Variants in FHIT observed in about 807,000 individuals in gnomAD.
FHIT encodes the protein bis(5'-adenosyl)-triphosphatase.
FHIT carries 19 observed loss-of-function variants against 17.9 expected under a neutral mutation model. The ratio of observed to expected loss-of-function variants is 1.06; its 90% confidence interval spans 0.74 to 1.56. The LOEUF (loss-of-function observed/expected upper bound fraction) is 1.56, where lower values mean the gene tolerates loss of function less well. Ranked by LOEUF, FHIT falls within the 40% of genes most tolerant of loss-of-function variation. The probability of loss-of-function intolerance (pLI) is 0.00; values close to 1 mark genes in which losing one functional copy is unlikely to be tolerated. For synonymous variants in FHIT, 81 were observed against 69.7 expected (o/e 1.16, Z -0.81); for missense variants, 248 against 189.2 (o/e 1.31, Z -1.82).
chr3:59,993,788 T>A (rs1226367159), intron 7 of FHIT, among the ~76,000 whole-genome samples: 1 of 151,946 alleles, frequency 6.6e-6, no homozygotes, highest in African/African-American at 2.4e-5. Flanking sequence ...CTGACTGGAT[T>A]CTAGGTCTTG....
intron 5 of FHIT, among the ~76,000 whole-genome samples, chr3:60,464,493 C>G (rs368703329): frequency 9.2e-5 from 14 of 151,972 alleles, no homozygotes; most frequent in Non-Finnish European, 1.9e-4. Flanking sequence ...TATGCATTAA[C>G]CATCTCCCCC....
chr3:60,440,080 T>C (rs1007618213), intron 5 of FHIT, among the ~76,000 whole-genome samples: 2 of 152,126 alleles, frequency 1.3e-5, no homozygotes, highest in African/African-American at 4.8e-5. Context: ...AGTCTCATTT[T>C]ATATGCACAA....
At chr3:60,097,402 T>C (rs1271203340) in intron 5 of FHIT, among the ~76,000 whole-genome samples, 1 of 152,124 alleles carries the variant, frequency 6.6e-6, no homozygotes, top group South Asian at 2.1e-4. Flanking sequence ...GTATACTGTG[T>C]TCATTTGGGA....
In FHIT at chr3:60,938,818, T is replaced by C. The variant is rs77111159; in HGVS notation, c.-111+103229A>G. Among the ~76,000 whole-genome samples, 641 of 152,310 alleles carry C rather than the reference T, an allele frequency of 4.2e-3. 4 individuals carry two copies. The highest frequency in any genetic ancestry group is 0.014 in the African/African-American group (581 of 41,538). On this transcript the variant is annotated intron_variant, in intron 3 of 9. Transcript: ENST00000492590. ...CAAAGAGAGCTACATGTGTATTCTT[T>C]GTGTATTTTTATCATTGAGAAACAT...
intron 3 of FHIT, among the ~76,000 whole-genome samples, chr3:60,831,934 C>T (rs912404049): frequency 7.9e-5 from 12 of 152,072 alleles, no homozygotes; most frequent in Non-Finnish European, 1.3e-4. Flanking sequence ...GGAAAAAAAT[C>T]TCAGGTTTTT....
intron 3 of FHIT, among the ~76,000 whole-genome samples, chr3:60,929,620 A>T (rs1383687327): frequency 6.6e-6 from 1 of 152,194 alleles, no homozygotes; most frequent in Non-Finnish European, 1.5e-5. Flanking sequence ...CAATTGCTTC[A>T]AAGAGAATAA....
chr3:60,207,765 G>A (rs147631134), intron 5 of FHIT, among the ~76,000 whole-genome samples: 5 of 152,300 alleles, frequency 3.3e-5, no homozygotes, highest in South Asian at 2.1e-4. Context: ...GCATTGTCAT[G>A]AGAATGTGTG....
chr3:60,360,880 CA>C (rs761020488), intron 5 of FHIT, among the ~76,000 whole-genome samples: 6 of 152,202 alleles, frequency 3.9e-5, no homozygotes, highest in Non-Finnish European at 7.3e-5. Context: ...ATCCCTCCAA[CA>C]CGATTCATTT....
At chr3:60,327,434 G>T (rs1019728209) in intron 5 of FHIT, among the ~76,000 whole-genome samples, 1 of 152,150 alleles carries the variant, frequency 6.6e-6, no homozygotes, top group Non-Finnish European at 1.5e-5. Context: ...AGCAAAAACA[G>T]CCATAGCCAA....
chr3:60,713,043 C>A (rs1335588939), intron 4 of FHIT, among the ~76,000 whole-genome samples: 1 of 152,112 alleles, frequency 6.6e-6, no homozygotes, highest in Non-Finnish European at 1.5e-5. Context: ...CTCTCCTCAA[C>A]AAACGTAAAA....
chr3:60,066,929 C>A (rs1336684021), intron 5 of FHIT, among the ~76,000 whole-genome samples: 1 of 152,114 alleles, frequency 6.6e-6, no homozygotes, highest in African/African-American at 2.4e-5. Flanking sequence ...CAGGCGTGAG[C>A]CACTGCGCCT....
chr3:60,418,392 A>G lies in FHIT; in HGVS notation c.103+118468T>C, dbSNP rs1159822429. Among the ~76,000 whole-genome samples the G allele has an allele frequency of 7.2e-4, 64 of 89,376 alleles. 7 individuals are homozygous for G. The East Asian group carries it at 0.022, about 31-fold the overall frequency. The allele number at this position is 89,376 out of a possible 152,430, so 58.6% of individuals were successfully genotyped here. A position where few individuals can be genotyped will look rare whatever the true frequency, so the allele number is the denominator to read the frequency against. ...TGAATGTGTGTATATATATATATAT[A>G]TATATATATATATATATATATATAT... On this transcript the variant is annotated intron_variant, in intron 5 of 9. Coordinates refer to ENST00000492590, the MANE Select transcript of FHIT (RefSeq NM_002012.4).
At chr3:60,313,449 G>T (rs573415905) in intron 5 of FHIT, among the ~76,000 whole-genome samples, 1 of 152,264 alleles carries the variant, frequency 6.6e-6, no homozygotes, top group African/African-American at 2.4e-5. Context: ...AGGAGTGTGA[G>T]CAGGCTAACG....
chr3:60,077,448 G>A (rs531148724), intron 5 of FHIT: 6 of 151,998 alleles, frequency 3.9e-5, no homozygotes, highest in African/African-American at 1.4e-4. Flanking sequence ...CCTTGGAGAA[G>A]TGGTTGGCTC....
intron 5 of FHIT, among the ~76,000 whole-genome samples, chr3:60,179,180 T>A (rs1055810429): frequency 6.6e-6 from 1 of 152,152 alleles, no homozygotes; most frequent in African/African-American, 2.4e-5. Flanking sequence ...TCAGTCTCAG[T>A]AAATCACCGC....
chr3:60,231,347 T>G (rs1014136089), intron 5 of FHIT, among the ~76,000 whole-genome samples: 2 of 152,154 alleles, frequency 1.3e-5, no homozygotes, highest in African/African-American at 4.8e-5. Flanking sequence ...ATAAATTCAA[T>G]TAATTATTTT....
chr3:61,004,163 T>C (rs2031287297), intron 3 of FHIT, among the ~76,000 whole-genome samples: 1 of 152,112 alleles, frequency 6.6e-6, no homozygotes, highest in Non-Finnish European at 1.5e-5. Context: ...GAGCACAGAT[T>C]ATGTCCATGG....
chr3:60,494,389 TAC>T (rs2034203362), intron 5 of FHIT, among the ~76,000 whole-genome samples: 1 of 152,100 alleles, frequency 6.6e-6, no homozygotes, highest in African/African-American at 2.4e-5. Flanking sequence ...CATGTTTTGA[TAC>T]AGACATGCAA....
At chr3:60,649,061 C>G (rs1166635070) in intron 4 of FHIT, among the ~76,000 whole-genome samples, 3 of 152,120 alleles carry the variant, frequency 2.0e-5, no homozygotes, top group Admixed American at 6.5e-5. Flanking sequence ...TAAAATTCTC[C>G]TTGAGAAATG....
Sources: gnomAD v4.1 joint callset for allele counts (sites outside exome capture counted in the v4.1 genomes callset) on GRCh38, gnomAD v4.1.1 for gene constraint, MANE v1.5 for transcripts, NCBI Gene and HGNC (gene_info 2026-07-23, HGNC 2026-07-21) for gene names.